Variants in DCDC2 observed in about 807,000 individuals in gnomAD.
The protein encoded by DCDC2 is doublecortin domain-containing protein 2.
A neutral mutation model predicts 50.2 loss-of-function variants in DCDC2; 40 were observed. The ratio of observed to expected loss-of-function variants is 0.80; its 90% CI spans 0.62 to 1.04. DCDC2 has a LOEUF of 1.04. Among genes scored for constraint, DCDC2 ranks in the 50% least tolerant of loss-of-function variants. DCDC2 has a pLI of 0.00. For missense variants in DCDC2, 570 were observed against 581.9 expected, an observed-to-expected ratio of 0.98 and a Z score of 0.21; for synonymous variants, 234 against 210.6, an observed-to-expected ratio of 1.11 and a Z score of -0.96.
the DCDC2 span, among the ~76,000 whole-genome samples, chr6:24,382,955 T>A: frequency 6.6e-6 from 1 of 152,178 alleles, no homozygotes; most frequent in Non-Finnish European, 1.5e-5. Context: ...TATCTCTTAC[T>A]ACTCAGAGGT....
intron 2 of DCDC2, among the ~76,000 whole-genome samples, chr6:24,328,019 G>A (rs1759905360): frequency 6.6e-5 from 10 of 152,184 alleles, no homozygotes; most frequent in Admixed American, 6.5e-4. Context: ...TTGCATGGAT[G>A]AAAATACAGA....
intron 4 of DCDC2, among the ~76,000 whole-genome samples, chr6:24,297,604 T>A (rs1474650523): frequency 6.6e-6 from 1 of 152,220 alleles, no homozygotes; most frequent in African/African-American, 2.4e-5. Flanking sequence ...TGAATAGGTA[T>A]ATCTGGCTGT....
intron 5 of DCDC2, among the ~76,000 whole-genome samples, 176 bp from the exon 6 acceptor site, chr6:24,289,082 A>T (rs1763681852): frequency 1.3e-5 from 2 of 152,252 alleles, no homozygotes; most frequent in African/African-American, 4.8e-5. Context: ...TAACATTTCC[A>T]AATTCCATCC....
chr6:24,345,506 C>T (rs563009391), intron 2 of DCDC2, among the ~76,000 whole-genome samples: 2 of 152,152 alleles, frequency 1.3e-5, no homozygotes, highest in Admixed American at 1.3e-4. Context: ...AAATTCTCCA[C>T]CCCACTAAGA....
intron 1 of DCDC2, among the ~76,000 whole-genome samples, chr6:24,355,796 T>C (rs1335762494): frequency 1.3e-5 from 2 of 152,118 alleles, no homozygotes; most frequent in Non-Finnish European, 2.9e-5. Flanking sequence ...AAAAGTATAA[T>C]AGAATACCTA....
intron 8 of DCDC2, among the ~76,000 whole-genome samples, chr6:24,201,046 A>G (rs1054012023): frequency 3.3e-5 from 5 of 152,142 alleles, no homozygotes; most frequent in African/African-American, 1.2e-4. Flanking sequence ...ACTCCCACAC[A>G]AAATTAGTGG....
At chr6:24,252,262 T>C (rs1306957161) in intron 7 of DCDC2, among the ~76,000 whole-genome samples, 1 of 152,228 alleles carries the variant, frequency 6.6e-6, no homozygotes, top group African/African-American at 2.4e-5. Flanking sequence ...TATACTTCCT[T>C]GTACTACTGT....
the DCDC2 span, among the ~76,000 whole-genome samples, chr6:24,380,209 C>A: frequency 5.3e-5 from 8 of 151,980 alleles, no homozygotes; most frequent in African/African-American, 1.9e-4. Flanking sequence ...AAAAGTCAAC[C>A]AAGGTTAGGA....
chr6:24,347,196 C>A (rs995896186), intron 2 of DCDC2, among the ~76,000 whole-genome samples: 2 of 152,160 alleles, frequency 1.3e-5, no homozygotes, highest in African/African-American at 4.8e-5. Flanking sequence ...AGCTATTTAG[C>A]CCCCTAAATA....
upstream of DCDC2, among the ~76,000 whole-genome samples, chr6:24,359,536 T>A (rs1474117835): frequency 9.4e-6 from 1 of 106,452 alleles, no homozygotes; most frequent in Admixed American, 1.4e-4. Flanking sequence ...TATATATTTT[T>A]TATATATTTT....
chr6:24,288,282 C>A (rs1763660980), intron 6 of DCDC2, among the ~76,000 whole-genome samples: 1 of 152,196 alleles, frequency 6.6e-6, no homozygotes. Flanking sequence ...CTCACCCCAT[C>A]AGGGAGCGCA....
chr6:24,276,219 T>C (rs1763354577), intron 7 of DCDC2, among the ~76,000 whole-genome samples: 1 of 152,162 alleles, frequency 6.6e-6, no homozygotes, highest in African/African-American at 2.4e-5. Flanking sequence ...AGGGATATGT[T>C]AATACAGCCT....
intron 7 of DCDC2, among the ~76,000 whole-genome samples, chr6:24,219,878 G>A (rs144053738): frequency 1.6e-3 from 250 of 152,316 alleles, no homozygotes; most frequent in African/African-American, 5.5e-3. Flanking sequence ...GGAGTACAGA[G>A]GGTGCTCACA....
chr6:24,240,170 T>C (rs184288323), intron 7 of DCDC2, among the ~76,000 whole-genome samples: 297 of 152,318 alleles, frequency 1.9e-3, no homozygotes, highest in African/African-American at 6.8e-3. Context: ...CATAAACAAC[T>C]AGTGTAGCTA....
chr6:24,291,013 A>G lies in DCDC2; in HGVS notation c.623T>C (p.Val208Ala), dbSNP rs980124028. 1 of 1,614,056 alleles carries G rather than the reference A, an allele frequency of 6.2e-7. No homozygotes were observed. Among genetic ancestry groups the G allele is most frequent in the Admixed American group, 1.7e-5 (1 of 60,016 alleles). Residue 208 changes from valine (V) to alanine (A), a missense_variant, in exon 5 of 10, where the codon GTG becomes GCG. Coordinates refer to ENST00000378454, the MANE Select transcript of DCDC2 (RefSeq NM_016356.5). ...GAELENGQFY[V>A]AVGRDKFKKL... ...CTTAAACTTATCTCTGCCAACAGCC[A>G]CATAAAACTGCCCATTCTCCAACTC... is the stretch of plus-strand genomic sequence containing the variant.
rs1195601345 is a variant in DCDC2, at chr6:24,279,676, G to A, written c.760-1465C>T. On this transcript the variant is annotated intron_variant, in intron 6 of 9. Coordinates refer to ENST00000378454, the MANE Select transcript of DCDC2 (RefSeq NM_016356.5). ...AGGTGCTAAACTTACCTGAGAGTAT[G>A]TGGTGAGAGGCTGCAGGTAGTGGAA... 3.9e-5 allele frequency among the ~76,000 whole-genome samples: 6 copies of A among 152,224 alleles called. No individual in the cohort carries two copies. In the East Asian group the frequency reaches 1.2e-3, roughly 29 times the overall value.
At chr6:24,272,600 A>T (rs1217984153) in intron 7 of DCDC2, among the ~76,000 whole-genome samples, 1 of 152,238 alleles carries the variant, frequency 6.6e-6, no homozygotes, top group Non-Finnish European at 1.5e-5. Context: ...ATGGCCAACA[A>T]GCATTTGAAA....
intron 7 of DCDC2, among the ~76,000 whole-genome samples, chr6:24,248,626 C>G (rs1023619872): frequency 6.6e-6 from 1 of 152,074 alleles, no homozygotes; most frequent in Non-Finnish European, 1.5e-5. Flanking sequence ...TAGTAAGATA[C>G]TAAGAGGCGA....
At chr6:24,198,961 T>G (rs1761512549) in intron 8 of DCDC2, among the ~76,000 whole-genome samples, 1 of 152,102 alleles carries the variant, frequency 6.6e-6, no homozygotes, top group African/African-American at 2.4e-5. Flanking sequence ...CTCTCTAGAT[T>G]CCTCCTCTCT....
Sources: gnomAD v4.1 joint callset for allele counts (sites outside exome capture counted in the v4.1 genomes callset) on GRCh38, gnomAD v4.1.1 for gene constraint, MANE v1.5 for transcripts, NCBI Gene and HGNC (gene_info 2026-07-23, HGNC 2026-07-21) for gene names.